Variants in SV2C observed in about 807,000 individuals in gnomAD.
SV2C encodes the protein synaptic vesicle glycoprotein 2C.
A neutral mutation model predicts 79.7 loss-of-function variants in SV2C; 49 were observed. The ratio of observed to expected loss-of-function variants is 0.61; its 90% CI spans 0.49 to 0.78. SV2C has a LOEUF of 0.78. SV2C is among the 30% of genes least tolerant of loss of function. The pLI is 0.00. For synonymous variants in SV2C, 334 were observed against 333.2 expected, an observed-to-expected ratio of 1.00 and a Z score of -0.03; for missense variants, 833 against 912.9, an observed-to-expected ratio of 0.91 and a Z score of 1.13.
At chr5:75,994,885 T>C in the SV2C span, among the ~76,000 whole-genome samples, 2 of 152,096 alleles carry the variant, frequency 1.3e-5, no homozygotes, top group Admixed American at 6.5e-5. Context: ...GAGGGGGCCA[T>C]TGGTGTAAAT....
intron 4 of SV2C, among the ~76,000 whole-genome samples, chr5:76,244,874 T>C (rs1328920358): frequency 6.6e-6 from 1 of 152,208 alleles, no homozygotes; most frequent in African/African-American, 2.4e-5. Context: ...AGTCCAGGTC[T>C]AACAGAATAG....
At chr5:75,911,211 C>T in the SV2C span, 1 of 1,584,694 alleles carries the variant, frequency 6.3e-7, no homozygotes, top group Admixed American at 1.7e-5. Context: ...CTGCCCAGGC[C>T]CAGCCCTCTC....
At chr5:75,919,503 TA>T in the SV2C span, among the ~76,000 whole-genome samples, 1 of 152,350 alleles carries the variant, frequency 6.6e-6, no homozygotes, top group Middle Eastern at 3.4e-3. Flanking sequence ...CTGGTTCCCG[TA>T]ACTTCCCCAA....
chr5:76,278,832 G>C (rs1747097630), intron 4 of SV2C, among the ~76,000 whole-genome samples: 1 of 152,234 alleles, frequency 6.6e-6, no homozygotes, highest in Non-Finnish European at 1.5e-5. Flanking sequence ...AGAGTGAAGT[G>C]ACCTTATTGA....
intron 12 of SV2C, among the ~76,000 whole-genome samples, chr5:76,339,006 T>G (rs866874680): frequency 3.3e-5 from 5 of 152,200 alleles, no homozygotes; most frequent in Admixed American, 6.5e-5. Flanking sequence ...CTTTCCAAAC[T>G]GAGGACTGGA....
chr5:75,934,240 G>T, the SV2C span, among the ~76,000 whole-genome samples: 1 of 151,230 alleles, frequency 6.6e-6, no homozygotes, highest in Non-Finnish European at 1.5e-5. Flanking sequence ...GCTCCACTGA[G>T]ACCAAATGAC....
At chr5:76,158,201 C>T (rs1341853652) in intron 2 of SV2C, among the ~76,000 whole-genome samples, 5 of 151,674 alleles carry the variant, frequency 3.3e-5, no homozygotes, top group Non-Finnish European at 5.9e-5. Flanking sequence ...TCAATAAAGA[C>T]ATTAAATACT....
chr5:76,200,406 C>A (rs1389752073), intron 3 of SV2C, among the ~76,000 whole-genome samples: 2 of 152,190 alleles, frequency 1.3e-5, no homozygotes, highest in African/African-American at 2.4e-5. Flanking sequence ...GTGGTGGAAC[C>A]AGGAATAACT....
chr5:76,339,190 T>A (rs1044234529), intron 12 of SV2C, among the ~76,000 whole-genome samples: 1 of 152,190 alleles, frequency 6.6e-6, no homozygotes, highest in Non-Finnish European at 1.5e-5. Context: ...TTACGCATTT[T>A]AAAAAAACTG....
chr5:76,194,126 G>T (rs1377273307), intron 2 of SV2C, among the ~76,000 whole-genome samples: 1 of 152,140 alleles, frequency 6.6e-6, no homozygotes. Flanking sequence ...CAGGGGCTGG[G>T]TGGGGGCAGT....
chr5:75,920,707 T>C, the SV2C span: 165 of 753,686 alleles, frequency 2.2e-4, no homozygotes, highest in African/African-American at 2.5e-3. Flanking sequence ...GCACTGCCGG[T>C]GTGGAACCAC....
intron 12 of SV2C, among the ~76,000 whole-genome samples, chr5:76,339,957 G>T (rs1319066804): frequency 2.0e-5 from 3 of 152,172 alleles, no homozygotes; most frequent in Non-Finnish European, 4.4e-5. Context: ...GCTGACAGAA[G>T]ATACAGGTCA....
chr5:76,026,369 T>C, the SV2C span, among the ~76,000 whole-genome samples: 2 of 152,186 alleles, frequency 1.3e-5, no homozygotes, highest in African/African-American at 4.8e-5. Flanking sequence ...CCCAACATAA[T>C]ACTATTGACC....
At chr5:76,087,030 A>G (rs1415098485) in intron 1 of SV2C, among the ~76,000 whole-genome samples, 1 of 152,210 alleles carries the variant, frequency 6.6e-6, no homozygotes, top group Non-Finnish European at 1.5e-5. Context: ...GAAATATATG[A>G]TGAGTTATAT....
chr5:75,982,506 C>T, the SV2C span, among the ~76,000 whole-genome samples: 2 of 152,312 alleles, frequency 1.3e-5, no homozygotes, highest in East Asian at 3.9e-4. Context: ...TGCTTTTATG[C>T]TGTTGGTGGG....
chr5:75,940,760 G>A, the SV2C span, among the ~76,000 whole-genome samples: 2 of 152,298 alleles, frequency 1.3e-5, no homozygotes, highest in Non-Finnish European at 1.5e-5. Flanking sequence ...AACAAGATTG[G>A]AAGGTTAATG....
intron 2 of SV2C, 138 bp from the exon 3 acceptor site, chr5:76,194,781 G>A: frequency 9.8e-7 from 1 of 1,017,714 alleles, no homozygotes; most frequent in Non-Finnish European, 1.4e-6. Flanking sequence ...TGATTACTGT[G>A]TCCTGAAGGT....
chr5:76,041,130 G>T, the SV2C span, among the ~76,000 whole-genome samples: 1 of 152,150 alleles, frequency 6.6e-6, no homozygotes, highest in Admixed American at 6.5e-5. Flanking sequence ...TGGGGCTTGA[G>T]CAAGAATACA....
chr5:76,187,045 A>G (rs1212449537), intron 2 of SV2C, among the ~76,000 whole-genome samples: 4 of 152,150 alleles, frequency 2.6e-5, no homozygotes, highest in African/African-American at 7.2e-5. Context: ...CTCGCAAGGG[A>G]TGGGGATCCC....
Sources: allele counts gnomAD v4.1 joint callset (sites outside exome capture counted in the v4.1 genomes callset), GRCh38; gene constraint gnomAD v4.1.1; transcripts MANE v1.5; gene names NCBI Gene and HGNC (gene_info 2026-07-23, HGNC 2026-07-21).